Variants in UNC13C observed in about 807,000 individuals in gnomAD.
UNC13C encodes the protein unc-13 homolog C.
In UNC13C, 174 loss-of-function variants were observed where a neutral mutation model predicts 245.4. That is an observed-to-expected ratio of 0.71 (90% CI 0.63 to 0.80). UNC13C has a LOEUF of 0.80. Ranked by LOEUF, UNC13C falls within the 30% of genes least tolerant of loss-of-function variation. UNC13C has a pLI of 0.00. For missense variants in UNC13C, 2,829 were observed against 2,602.9 expected (o/e 1.09, Z -1.89); for synonymous variants, 992 against 895.1 (o/e 1.11, Z -1.93).
intron 19 of UNC13C, among the ~76,000 whole-genome samples, chr15:54,483,037 T>C (rs1596461055): frequency 1.3e-5 from 2 of 152,312 alleles, no homozygotes; most frequent in Middle Eastern, 6.8e-3. Flanking sequence ...CATTATCCAA[T>C]TTAAATTTTA....
intron 2 of UNC13C, among the ~76,000 whole-genome samples, chr15:54,031,672 A>G (rs1004786487): frequency 1.3e-5 from 2 of 152,188 alleles, no homozygotes; most frequent in Admixed American, 6.5e-5. Context: ...GCCTGTGTGC[A>G]TGTGTGTGCA....
Position 54,159,972 on chromosome 15 carries a change from A to G in UNC13C, c.3071+16288A>G, listed in dbSNP as rs189322732. On this transcript the variant is annotated intron_variant, in intron 4 of 32. Transcript: ENST00000260323. Reference sequence around the variant, plus strand: ...CTGTCCTTCCTTGGGCAAAACATCAATTGTATGCAATTAGAAGTCAGCAAA... The same window carrying G: ...CTGTCCTTCCTTGGGCAAAACATCAGTTGTATGCAATTAGAAGTCAGCAAA... Among the ~76,000 whole-genome samples the G allele has an allele frequency of 2.3e-3, 355 of 152,232 alleles. 1 individual carries two copies. The highest frequency in any genetic ancestry group is 6.8e-3 in the Middle Eastern group (2 of 294).
intron 2 of UNC13C, among the ~76,000 whole-genome samples, chr15:54,090,430 A>T (rs1201950448): frequency 3.3e-5 from 5 of 152,222 alleles, no homozygotes; most frequent in Non-Finnish European, 5.9e-5. Flanking sequence ...GCTACTAAAT[A>T]CTTAGTATAT....
chr15:54,179,359 G>A (rs2033721348), intron 4 of UNC13C, among the ~76,000 whole-genome samples: 1 of 152,008 alleles, frequency 6.6e-6, no homozygotes, highest in Non-Finnish European at 1.5e-5. Context: ...CTGTAAAATT[G>A]CTATTATTAA....
At chr15:54,619,798 T>TA (rs1900680116) in intron 30 of UNC13C, among the ~76,000 whole-genome samples, 1 of 152,144 alleles carries the variant, frequency 6.6e-6, no homozygotes, top group South Asian at 2.1e-4. Flanking sequence ...ATGAGAAGTA[T>TA]GGATTACTAA....
At chr15:54,245,261 T>C (rs2035961902) in intron 7 of UNC13C, among the ~76,000 whole-genome samples, 1 of 152,180 alleles carries the variant, frequency 6.6e-6, no homozygotes, top group East Asian at 1.9e-4. Context: ...ATAAAATCTA[T>C]CATATTTTGT....
intron 2 of UNC13C, among the ~76,000 whole-genome samples, chr15:54,139,441 A>C (rs928242305): frequency 3.3e-5 from 5 of 152,154 alleles, no homozygotes; most frequent in Admixed American, 6.5e-5. Flanking sequence ...AATTCAACCC[A>C]TAACAAAAAT....
intron 2 of UNC13C, among the ~76,000 whole-genome samples, chr15:54,055,030 A>T (rs1897446183): frequency 6.6e-6 from 1 of 152,170 alleles, no homozygotes; most frequent in South Asian, 2.1e-4. Context: ...TTACAGTTAT[A>T]GCCTGCAGAT....
chr15:54,538,264 T>C (rs568758891), intron 26 of UNC13C, among the ~76,000 whole-genome samples: 17 of 150,448 alleles, frequency 1.1e-4, no homozygotes, highest in African/African-American at 2.9e-4. Context: ...TCACTAATCA[T>C]TGAAGAAATG....
chr15:54,287,557 C>T (rs535095764), intron 10 of UNC13C, among the ~76,000 whole-genome samples: 88 of 152,254 alleles, frequency 5.8e-4, no homozygotes, highest in African/African-American at 2.0e-3. Context: ...TCAATTATCC[C>T]TTCAAAGAAC....
At chr15:54,633,067 AG>A (rs1434759287), downstream of UNC13C, 1 of 152,232 alleles carries the variant, frequency 6.6e-6, no homozygotes, top group African/African-American at 2.4e-5. Context: ...CTGGAGGCTG[AG>A]GCAGGGGAAT....
chr15:54,146,049 TG>T (rs1404882269), intron 4 of UNC13C, among the ~76,000 whole-genome samples: 1 of 152,210 alleles, frequency 6.6e-6, no homozygotes, highest in African/African-American at 2.4e-5. Flanking sequence ...AATTTGTCAT[TG>T]CCTGAATGCT....
chr15:54,122,381 A>C (rs1034256784), intron 2 of UNC13C, among the ~76,000 whole-genome samples: 15 of 152,088 alleles, frequency 9.9e-5, no homozygotes, highest in African/African-American at 3.6e-4. Flanking sequence ...AATTTTATTA[A>C]AAATAGTTTA....
intron 2 of UNC13C, among the ~76,000 whole-genome samples, chr15:54,128,143 C>T (rs558498554): frequency 3.3e-5 from 5 of 152,144 alleles, no homozygotes; most frequent in Admixed American, 3.3e-4. Flanking sequence ...AGAGTGAAAT[C>T]AAGAACACAA....
At chr15:54,566,352 A>C (rs9920497) in intron 29 of UNC13C, among the ~76,000 whole-genome samples, 1 of 152,130 alleles carries the variant, frequency 6.6e-6, no homozygotes, top group Non-Finnish European at 1.5e-5. Context: ...ATAGTCCTCT[A>C]AATACTTTCT....
chr15:54,286,229 T>A (rs1181174958), intron 10 of UNC13C, among the ~76,000 whole-genome samples: 2 of 152,236 alleles, frequency 1.3e-5, no homozygotes, highest in African/African-American at 4.8e-5. Context: ...GGTACAATAC[T>A]ATTTTAAATA....
chr15:53,983,171 C>A (rs185929587), intron 1 of UNC13C, among the ~76,000 whole-genome samples: 56 of 152,182 alleles, frequency 3.7e-4, no homozygotes, highest in Admixed American at 1.4e-3. Context: ...TAACAAGAAA[C>A]AAATAGCATT....
chr15:54,479,004 G>C (rs1006983778), intron 19 of UNC13C, among the ~76,000 whole-genome samples: 1 of 152,082 alleles, frequency 6.6e-6, no homozygotes, highest in Non-Finnish European at 1.5e-5. Flanking sequence ...CCTGTATTGG[G>C]TGCATATATA....
the UNC13C span, among the ~76,000 whole-genome samples, chr15:53,897,070 C>A: frequency 1.3e-5 from 2 of 152,320 alleles, no homozygotes; most frequent in East Asian, 3.9e-4. Flanking sequence ...AGTAACTGAA[C>A]CCTGCTTTCC....
Sources: gnomAD v4.1 joint callset for allele counts (sites outside exome capture counted in the v4.1 genomes callset) on GRCh38, gnomAD v4.1.1 for gene constraint, MANE v1.5 for transcripts, NCBI Gene and HGNC (gene_info 2026-07-23, HGNC 2026-07-21) for gene names.